PCDHGA1: variants seen among roughly 807,000 people sequenced by gnomAD.
The protein encoded by PCDHGA1 is protocadherin gamma-A1.
A neutral mutation model predicts 58.0 loss-of-function variants in PCDHGA1; 32 were observed. That is an observed-to-expected ratio of 0.55 (90% CI 0.42 to 0.74). PCDHGA1 has a LOEUF of 0.74. PCDHGA1 is among the 30% of genes least tolerant of loss of function. The pLI, the probability that PCDHGA1 is intolerant of heterozygous loss-of-function variation, is 0.00. For missense variants in PCDHGA1, 1,205 were observed against 1,182.3 expected, an observed-to-expected ratio of 1.02 and a Z score of -0.28; for synonymous variants, 498 against 501.1, an observed-to-expected ratio of 0.99 and a Z score of 0.08.
chr5:141,450,702 G>T (rs1466981422), intron 1 of PCDHGA1, among the ~76,000 whole-genome samples: 6 of 152,026 alleles, frequency 3.9e-5, no homozygotes, highest in South Asian at 2.1e-4. Flanking sequence ...GCCCAGGATG[G>T]TCTCCAACTC....
chr5:141,409,729 G>GCAGAGC (rs1178571616), intron 1 of PCDHGA1: 2 of 1,612,966 alleles, frequency 1.2e-6, no homozygotes, highest in African/African-American at 2.7e-5. Context: ...CAGTGAGCGC[G>GCAGAGC]CAGAGCGGGG....
At chr5:141,510,850 G>A in intron 3 of PCDHGA1, 97 bp from the exon 4 acceptor site, 4 of 1,599,444 alleles carry the variant, frequency 2.5e-6, no homozygotes, top group South Asian at 1.1e-5. Context: ...AAGGCCCAGG[G>A]TGCTGTATAG....
In PCDHGA1 at chr5:141,486,587, G is replaced by A. The variant is rs2099631441; in HGVS notation, c.2422-8220G>A. 6.2e-7 allele frequency: 1 copy of A among 1,613,478 alleles called. No homozygotes were observed. The highest frequency in any genetic ancestry group is 1.7e-5 in the Admixed American group (1 of 60,014). On this transcript the variant is annotated intron_variant, in intron 1 of 3. Coordinates refer to ENST00000517417, the MANE Select transcript of PCDHGA1 (RefSeq NM_018912.3). The surrounding 1 kb of genome is among the most constrained non-coding windows in gnomAD (Gnocchi z 5.0). ...TGTTCCTGAGAACAATCGCCCAGGGGACCTGCTTTGCTCCCTTGCAGCCTC... is the reference window on the plus strand; with the variant it reads ...TGTTCCTGAGAACAATCGCCCAGGGAACCTGCTTTGCTCCCTTGCAGCCTC...
chr5:141,433,262 T>C (rs2097580507), intron 1 of PCDHGA1: 1 of 1,339,318 alleles, frequency 7.5e-7, no homozygotes, highest in Non-Finnish European at 1.0e-6. Context: ...GGTACGATCA[T>C]AGCTCACTGC....
chr5:141,349,507 C>T (rs1239903644), intron 1 of PCDHGA1, among the ~76,000 whole-genome samples: 1 of 152,126 alleles, frequency 6.6e-6, no homozygotes, highest in Admixed American at 6.6e-5. Context: ...CAGACTTTGT[C>T]CTACTTAACT....
intron 1 of PCDHGA1, chr5:141,427,927 T>C (rs1238523389): frequency 6.3e-7 from 1 of 1,580,112 alleles, no homozygotes; most frequent in Non-Finnish European, 8.7e-7. Context: ...AGCCGGCGCA[T>C]GTTGGTGGGC....
intron 1 of PCDHGA1, chr5:141,475,949 G>A: frequency 1.3e-6 from 1 of 758,910 alleles, no homozygotes; most frequent in South Asian, 1.9e-5. Flanking sequence ...TCCCCTTTCT[G>A]CGCCCCGGGA....
chr5:141,384,810 C>A (rs755407612), intron 1 of PCDHGA1: 3 of 1,613,422 alleles, frequency 1.9e-6, no homozygotes, highest in Middle Eastern at 1.7e-4. Flanking sequence ...ACAGAGATGC[C>A]CTCAAGCAGA....
intron 1 of PCDHGA1, chr5:141,356,959 C>T: frequency 6.2e-7 from 1 of 1,614,236 alleles, no homozygotes; most frequent in Non-Finnish European, 8.5e-7. Flanking sequence ...TTCCGGCTAC[C>T]TGGTGACCAA....
At chr5:141,500,789 C>G (rs1006758925) in intron 2 of PCDHGA1, among the ~76,000 whole-genome samples, 2 of 152,142 alleles carry the variant, frequency 1.3e-5, no homozygotes, top group African/African-American at 4.8e-5. Flanking sequence ...TATTATTTTA[C>G]AGAATAAGTC....
intron 2 of PCDHGA1, among the ~76,000 whole-genome samples, chr5:141,500,904 C>T (rs2099803610): frequency 6.6e-6 from 1 of 151,662 alleles, no homozygotes; most frequent in Non-Finnish European, 1.5e-5. Context: ...CAGTCTCGCT[C>T]TGTCTCCAGG....
chr5:141,465,643 C>T (rs561758040), intron 1 of PCDHGA1, among the ~76,000 whole-genome samples: 2 of 152,306 alleles, frequency 1.3e-5, no homozygotes, highest in East Asian at 3.9e-4. Flanking sequence ...ATGCTTTGAA[C>T]ATCCCAAAAA....
At chr5:141,422,881 T>G in intron 1 of PCDHGA1, 1 of 1,614,214 alleles carries the variant, frequency 6.2e-7, no homozygotes, top group East Asian at 2.2e-5. Flanking sequence ...GCTGAGCCTG[T>G]TCGTGCTGGA....
intron 1 of PCDHGA1, chr5:141,388,424 GA>G: frequency 6.2e-7 from 1 of 1,613,812 alleles, no homozygotes; most frequent in African/African-American, 1.3e-5. Flanking sequence ...ATTTCTCACT[GA>G]TAAATAAAGA....
At chr5:141,405,022 C>T in intron 1 of PCDHGA1, 6 of 1,613,976 alleles carry the variant, frequency 3.7e-6, no homozygotes, top group Non-Finnish European at 5.1e-6. Context: ...CAGACCTTAC[C>T]CTCTACCTCG....
intron 1 of PCDHGA1, chr5:141,345,578 C>T (rs757613840): frequency 1.9e-6 from 3 of 1,614,208 alleles, no homozygotes; most frequent in African/African-American, 1.3e-5. Context: ...GCGTCCTATA[C>T]GCGCTGAGAT....
chr5:141,384,186 TC>T (rs1369721575), intron 1 of PCDHGA1: 3 of 1,613,730 alleles, frequency 1.9e-6, no homozygotes, highest in Admixed American at 1.7e-5. Flanking sequence ...ATGGTGGAAC[TC>T]CTCCCTTGTC....
chr5:141,355,819 G>A (rs757822946), intron 1 of PCDHGA1: 2 of 1,613,058 alleles, frequency 1.2e-6, no homozygotes, highest in Middle Eastern at 1.6e-4. Context: ...GGAAGAGGCG[G>A]TTCACCACCT....
chr5:141,462,552 T>A (rs966816379), intron 1 of PCDHGA1, among the ~76,000 whole-genome samples: 1 of 152,194 alleles, frequency 6.6e-6, no homozygotes, highest in Non-Finnish European at 1.5e-5. Context: ...TCTTCTTCAG[T>A]GTTTACTGTA....
Sources: allele counts gnomAD v4.1 joint callset (sites outside exome capture counted in the v4.1 genomes callset), GRCh38; gene constraint gnomAD v4.1.1; non-coding constraint Gnocchi (gnomAD v3.1); transcripts MANE v1.5; gene names NCBI Gene and HGNC (gene_info 2026-07-23, HGNC 2026-07-21).